The following NTN1 variants were observed in gnomAD, a reference collection of about 807,000 sequenced individuals.
NTN1 encodes netrin 1.
Under a neutral mutation model 54.2 loss-of-function variants are expected in NTN1, and 11 were observed. The ratio of observed to expected loss-of-function variants is 0.20; its 90% CI spans 0.13 to 0.34. NTN1 has a LOEUF of 0.34. NTN1 is among the 10% of genes least tolerant of loss of function. The pLI is 1.00. For synonymous variants in NTN1, 371 were observed against 382.0 expected (o/e 0.97, Z 0.33); for missense variants, 740 against 893.1 (o/e 0.83, Z 2.18).
At chr17:9,020,248 C>T (rs1475920201), upstream of NTN1, among the ~76,000 whole-genome samples, 1 of 152,220 alleles carries the variant, frequency 6.6e-6, no homozygotes, top group Non-Finnish European at 1.5e-5. Flanking sequence ...GGCTTTTCAT[C>T]CGGGTCTATT....
intron 2 of NTN1, among the ~76,000 whole-genome samples, chr17:9,125,934 G>A (rs1237042818): frequency 2.0e-5 from 3 of 152,192 alleles, no homozygotes; most frequent in Non-Finnish European, 4.4e-5. Flanking sequence ...TACATTAAAT[G>A]TTTTGTCTGT....
chr17:9,131,827 G>A (rs1255265535), intron 2 of NTN1, among the ~76,000 whole-genome samples: 5 of 151,160 alleles, frequency 3.3e-5, no homozygotes, highest in African/African-American at 7.3e-5. Flanking sequence ...TTTTTAAGAC[G>A]GAGTCTTGCT....
At chr17:9,183,515 C>CGG in intron 5 of NTN1, 1 of 358,162 alleles carries the variant, frequency 2.8e-6, no homozygotes, top group African/African-American at 2.2e-5. Flanking sequence ...TGGTCACTGG[C>CGG]GGAAGTCACA....
At chr17:9,178,689 G>A (rs532637408) in intron 3 of NTN1, among the ~76,000 whole-genome samples, 2 of 152,298 alleles carry the variant, frequency 1.3e-5, no homozygotes, top group East Asian at 1.9e-4. Context: ...AATTGCTGCC[G>A]GACGCCTTAC....
chr17:9,067,809 T>G (rs1230677914), intron 2 of NTN1, among the ~76,000 whole-genome samples: 1 of 152,178 alleles, frequency 6.6e-6, no homozygotes, highest in Non-Finnish European at 1.5e-5. Flanking sequence ...GCTCTGGGCT[T>G]GGGGGATGGG....
intron 2 of NTN1, among the ~76,000 whole-genome samples, chr17:9,038,180 A>T (rs1008219299): frequency 6.6e-5 from 10 of 151,098 alleles, no homozygotes; most frequent in African/African-American, 2.4e-4. Context: ...TTTATACTGC[A>T]AACAGCTCCC....
chr17:9,132,163 G>T (rs2092267789), intron 2 of NTN1, among the ~76,000 whole-genome samples: 2 of 152,148 alleles, frequency 1.3e-5, no homozygotes, highest in Middle Eastern at 3.4e-3. Context: ...CACTCATCCA[G>T]TCCCTCGTCA....
At chr17:9,133,981 T>C (rs2092273774) in intron 2 of NTN1, among the ~76,000 whole-genome samples, 1 of 143,240 alleles carries the variant, frequency 7.0e-6, no homozygotes. Flanking sequence ...CTCAGCTCAC[T>C]GCAACCTCTG....
At chr17:9,162,695 G>T in intron 2 of NTN1, 118 bp from the exon 3 acceptor site, 1 of 940,892 alleles carries the variant, frequency 1.1e-6, no homozygotes, top group East Asian at 2.4e-5. Flanking sequence ...AAGTCTGCCT[G>T]CCTGGCTCTG....
At chr17:9,160,672 G>A (rs1008858287) in intron 2 of NTN1, among the ~76,000 whole-genome samples, 2 of 152,134 alleles carry the variant, frequency 1.3e-5, no homozygotes, top group Non-Finnish European at 1.5e-5. Context: ...TATTTCTTAG[G>A]TTGGGTGTGG....
chr17:9,126,556 T>G (rs9904994), intron 2 of NTN1, among the ~76,000 whole-genome samples: 107,473 of 151,988 alleles, frequency 0.71, 40,116 homozygotes, highest in East Asian at 1. Context: ...TATGGTAAGT[T>G]CTGGGCACAT....
the NTN1 span, among the ~76,000 whole-genome samples, chr17:9,008,032 T>C: frequency 6.6e-6 from 1 of 152,134 alleles, no homozygotes; most frequent in East Asian, 1.9e-4. Context: ...TGTGAGCCAA[T>C]GCACTTGACT....
chr17:9,226,453 C>T (rs1304045790), intron 6 of NTN1, among the ~76,000 whole-genome samples: 8 of 87,550 alleles, frequency 9.1e-5, no homozygotes, highest in Non-Finnish European at 1.5e-4. Flanking sequence ...CGTGGGGAGG[C>T]TGTCTCGTGG....
chr17:9,127,663 C>G (rs950404110), intron 2 of NTN1, among the ~76,000 whole-genome samples: 2 of 151,598 alleles, frequency 1.3e-5, no homozygotes, highest in African/African-American at 4.9e-5. Flanking sequence ...GGCAAGTGAC[C>G]AGGTACCCCA....
At chr17:9,048,002 C>G (rs754138529) in intron 2 of NTN1, among the ~76,000 whole-genome samples, 9 of 152,046 alleles carry the variant, frequency 5.9e-5, no homozygotes, top group African/African-American at 1.9e-4. Flanking sequence ...GGCTGAATCA[C>G]GAGTTTTCTT....
chr17:9,202,959 T>C (rs1490463813), intron 5 of NTN1, among the ~76,000 whole-genome samples: 2 of 152,190 alleles, frequency 1.3e-5, no homozygotes, highest in Non-Finnish European at 2.9e-5. Flanking sequence ...TCTCTCTCTG[T>C]CGGCCAGGCT....
intron 2 of NTN1, among the ~76,000 whole-genome samples, chr17:9,132,208 A>G (rs1002124910): frequency 6.6e-6 from 1 of 151,970 alleles, no homozygotes; most frequent in Non-Finnish European, 1.5e-5. Context: ...TCCTCTACCC[A>G]TCACACTCAC....
In NTN1 at chr17:9,225,986, G is replaced by A. The variant is rs965443585; in HGVS notation, c.1486+4744G>A. Among the ~76,000 whole-genome samples the A allele has an allele frequency of 3.3e-5, 5 of 152,300 alleles. No homozygotes were observed. The South Asian group carries it at 6.2e-4, about 19-fold the overall frequency. ...GAAGAGCGCGGGTCTGGGGCTCCGC[G>A]GACCTGGGCAGCGGCCAGAGGGTGG... On this transcript the variant is annotated intron_variant, in intron 6 of 6. Coordinates refer to ENST00000173229, the MANE Select transcript of NTN1 (RefSeq NM_004822.3).
At chr17:9,223,924 G>A (rs1905449076) in intron 6 of NTN1, among the ~76,000 whole-genome samples, 1 of 152,214 alleles carries the variant, frequency 6.6e-6, no homozygotes, top group Admixed American at 6.5e-5. Context: ...AGGTGGGCTT[G>A]CTTGGGGAAT....
Sources: gnomAD v4.1 joint callset for allele counts (sites outside exome capture counted in the v4.1 genomes callset) on GRCh38, gnomAD v4.1.1 for gene constraint, MANE v1.5 for transcripts, NCBI Gene and HGNC (gene_info 2026-07-23, HGNC 2026-07-21) for gene names.